The following TAP2 variants were observed in gnomAD, a reference collection of about 807,000 sequenced individuals.
The protein encoded by TAP2 is antigen peptide transporter 2.
A neutral mutation model predicts 74.7 loss-of-function variants in TAP2; 49 were observed. The observed-to-expected ratio is 0.66, with a 90% confidence interval of 0.52 to 0.83. The LOEUF is 0.83. TAP2 is among the 40% of genes least tolerant of loss of function. TAP2 has a pLI of 0.00. For missense variants in TAP2, 739 were observed against 859.0 expected, an observed-to-expected ratio of 0.86 and a Z score of 1.75; for synonymous variants, 306 against 368.4, an observed-to-expected ratio of 0.83 and a Z score of 1.94.
downstream of TAP2, among the ~76,000 whole-genome samples, chr6:32,824,688 A>C (rs1768522048): frequency 6.6e-6 from 1 of 152,088 alleles, no homozygotes; most frequent in Non-Finnish European, 1.5e-5. Context: ...GGAATTTTAA[A>C]TTCTAATTAT....
chr6:32,837,919 C>A lies in TAP2; in HGVS notation c.315G>T (p.Gly105=), dbSNP rs750160800. Residue 105 remains glycine, a synonymous_variant, in exon 2 of 12, where the codon GGG becomes GGT. Transcript: ENST00000374897. ...ACCAGCTGAGCCCCGCAGCCCCGTA[C>A]CCCACCAGCAGCCAGCTCCAAGGGG... ...ASAPWSWLLV[G]YGAAGLSWSL... is the part of the protein sequence containing the mutation. 1 of 1,613,010 alleles carries A rather than the reference C, an allele frequency of 6.2e-7. No homozygotes were observed. Among genetic ancestry groups the A allele is most frequent in the African/African-American group, 1.3e-5 (1 of 74,996 alleles).
chr6:32,829,168 G>A (rs1397348627), intron 11 of TAP2, 134 bp from the exon 12 acceptor site: 21 of 1,484,726 alleles, frequency 1.4e-5, no homozygotes. Context: ...GTAGATAAAG[G>A]CCTGGACTGC....
At chr6:32,837,704 T>C (rs780090318) in intron 2 of TAP2, 37 bp downstream of exon 2, 1 of 1,614,132 alleles carries the variant, frequency 6.2e-7, no homozygotes, top group Non-Finnish European at 8.5e-7. Context: ...CAGGCCCTTT[T>C]ACCACCTCCA....
At position 32,832,653 on chromosome 6, in the gene TAP2, G is replaced by A. The variant is rs754852132; in HGVS notation, c.1117C>T (p.Arg373Cys). The change falls in exon 6 of 12, where the codon CGC becomes TGC. Residue 373 changes from arginine to cysteine, a missense_variant. Coordinates refer to ENST00000374897, the MANE Select transcript of TAP2 (RefSeq NM_001290043.2). This position sits in a 1 kb window ranked among gnomAD's most constrained non-coding sequence, Gnocchi z 5.9. The stretch of plus-strand genomic sequence containing the variant: ...CTCCTTACGAGCAGGTACAAGGCGC[G>A]TTCCAGGTCTCTCCGCCAATACAGC... ...RQLYWRRDLERALYLLVRRVL... is the reference protein window; with the variant it reads ...RQLYWRRDLECALYLLVRRVL... The A allele has an allele frequency of 6.2e-6, 10 of 1,612,918 alleles. No homozygotes were observed. Among genetic ancestry groups the A allele is most frequent in the African/African-American group, 5.3e-5 (4 of 74,890 alleles).
chr6:32,830,461 T>C, intron 8 of TAP2, 21 bp from the exon 9 acceptor site: 1 of 1,606,086 alleles, frequency 6.2e-7, no homozygotes, highest in South Asian at 1.1e-5. Context: ...AGAAAAAGAG[T>C]TAAGGGCCTG....
chr6:32,837,978 C>A lies in TAP2; in HGVS notation c.256G>T (p.Ala86Ser). 6.2e-7 allele frequency: 1 copy of A among 1,612,610 alleles called. No individual in the cohort carries two copies. The highest frequency in any genetic ancestry group is 8.5e-7 in the Non-Finnish European group (1 of 1,179,852). Residue 86 changes from alanine to serine, a missense_variant, in exon 2 of 12, where the codon GCC becomes TCC. By Grantham distance (99) the Ala-to-Ser change is moderately conservative. Transcript: ENST00000374897. ...ACTCTGGCTGGGGGAGCACGTGAGG[C>A]CCCCGCGACCAGGGCTCTCAGGGAG... is the stretch of plus-strand genomic sequence containing the variant. ...TVSLRALVAG[A>S]SRAPPARVAS...
chr6:32,828,676 C>CG lies in TAP2; in HGVS notation c.*229_*230insC. On this transcript the variant is annotated 3_prime_UTR_variant, in exon 12 of 12. Transcript: ENST00000374897. ...AATTAAGTTTCCTGGACACAGACAG[C>CG]CCCCACCCCACCCCACCCCACCTCT... 2.2e-5 allele frequency: 18 copies of CG among 802,674 alleles called. No individual in the cohort carries two copies. The highest frequency in any genetic ancestry group is 5.4e-5 in the South Asian group (1 of 18,500). The allele number at this position is 802,674 out of a possible 1,614,324, so 49.7% of individuals were successfully genotyped here. A position where few individuals can be genotyped will look rare whatever the true frequency, so the allele number is the denominator to read the frequency against.
rs1278972112 is a variant in TAP2, at chr6:32,830,300, G to A, written c.1602C>T (p.Ile534=). The change falls in exon 9 of 12, where the codon ATC becomes ATT. Residue 534 remains isoleucine, a synonymous_variant. Coordinates refer to ENST00000374897, the MANE Select transcript of TAP2 (RefSeq NM_001290043.2). ...GCAGGTAGCAGTGTTCATACTGTGA[G>A]ATGGGCTTTTCATCCAGCAGCACCT... ...GGQVLLDEKP[I]SQYEHCYLHS... is the part of the protein sequence containing the mutation. 1.2e-6 allele frequency: 2 copies of A among 1,613,066 alleles called. No individual in the cohort carries two copies. Among genetic ancestry groups the A allele is most frequent in the South Asian group, 1.1e-5 (1 of 91,090 alleles).
intron 10 of TAP2, 89 bp from the exon 11 acceptor site, chr6:32,829,625 T>G: frequency 6.3e-7 from 1 of 1,588,642 alleles, no homozygotes; most frequent in South Asian, 1.1e-5. Flanking sequence ...GTACTTCCAG[T>G]AGGACCTCGG....
In TAP2 at chr6:32,825,774, G is replaced by A. The variant is rs1287441733; in HGVS notation, c.*3132C>T. 6.3e-6 allele frequency: 1 copy of A among 157,758 alleles called. No individual in the cohort carries two copies. Among genetic ancestry groups the A allele is most frequent in the Non-Finnish European group, 1.4e-5 (1 of 73,164 alleles). The allele number at this position is 157,758 out of a possible 1,614,324, so 9.8% of individuals were successfully genotyped here. A position where few individuals can be genotyped will look rare whatever the true frequency, so the allele number is the denominator to read the frequency against. ...AGGGAGTATAGGCAACTCTTTTGAG[G>A]AGTTTTATGCAAAGCTGGGCAAGTC... On this transcript the variant is annotated 3_prime_UTR_variant, in exon 12 of 12. Coordinates refer to ENST00000374897, the MANE Select transcript of TAP2 (RefSeq NM_001290043.2).
intron 11 of TAP2, 83 bp from the exon 12 acceptor site, chr6:32,829,117 G>A: frequency 6.6e-7 from 1 of 1,513,122 alleles, no homozygotes; most frequent in East Asian, 2.5e-5. Context: ...TTATGATTTA[G>A]GGTAAAGAAG....
intron 7 of TAP2, 134 bp from the exon 8 acceptor site, chr6:32,830,940 A>C: frequency 1.2e-6 from 1 of 859,824 alleles, no homozygotes; most frequent in Non-Finnish European, 1.9e-6. Flanking sequence ...CCACTTTTAA[A>C]TGTACAATTT....
chr6:32,830,004 T>C lies in TAP2; in HGVS notation c.1721A>G (p.Asp574Gly), dbSNP rs899328471. 1.2e-6 allele frequency: 2 copies of C among 1,613,128 alleles called. No homozygotes were observed. Among genetic ancestry groups the C allele is most frequent in the South Asian group, 1.1e-5 (1 of 91,090 alleles). ...AGCCTGGGCAGCCGCCATCACCTTA[T>C]CATCTTCGCAGCTCTGCAGCCCATA... Reference protein sequence around the residue: ...IAYGLQSCEDDKVMAAAQAAH... With the variant: ...IAYGLQSCEDGKVMAAAQAAH... The change falls in exon 10 of 12, where the codon GAT (aspartate) becomes GGT (glycine). Residue 574 changes from aspartate (D) to glycine (G), a missense_variant. Physicochemically the swap from Asp to Gly is moderately conservative, Grantham distance 94. Transcript: ENST00000374897.
Position 32,826,443 on chromosome 6 carries a change from G to A in TAP2, c.*2463C>T, listed in dbSNP as rs767894009. The A allele has an allele frequency of 2.5e-5, 25 of 983,378 alleles. No individual in the cohort carries two copies. Among genetic ancestry groups the A allele is most frequent in the Non-Finnish European group, 3.0e-5 (25 of 829,864 alleles). 60.9% of individuals were successfully genotyped at this position (983,378 alleles called of 1,614,324 possible). Reference sequence around the variant, plus strand: ...TACAGGGTAAGGAGATCAATCAAATGGTGATGGGGGGTAGGAGTGAACAAA... The same window carrying A: ...TACAGGGTAAGGAGATCAATCAAATAGTGATGGGGGGTAGGAGTGAACAAA... On this transcript the variant is annotated 3_prime_UTR_variant, in exon 12 of 12. Coordinates refer to ENST00000374897, the MANE Select transcript of TAP2 (RefSeq NM_001290043.2).
chr6:32,833,394 A>G (rs1374210745), intron 5 of TAP2, among the ~76,000 whole-genome samples: 1 of 152,244 alleles, frequency 6.6e-6, no homozygotes, highest in Non-Finnish European at 1.5e-5. Context: ...TTTGTGAATC[A>G]TATATCTGAT....
Position 32,828,681 on chromosome 6 carries a change from A to ACCCCACCCCCCC in TAP2, c.*224_*225insGGGGGGGTGGGG. 1.6e-6 allele frequency: 1 copy of ACCCCACCCCCCC among 606,174 alleles called. No homozygotes were observed. Among genetic ancestry groups the ACCCCACCCCCCC allele is most frequent in the Non-Finnish European group, 2.0e-6 (1 of 497,976 alleles). The allele number at this position is 606,174 out of a possible 1,614,324, so 37.5% of individuals were successfully genotyped here. ...AGTTTCCTGGACACAGACAGCCCCC[A>ACCCCACCCCCCC]CCCCACCCCACCCCACCTCTCTACC... On this transcript the variant is annotated 3_prime_UTR_variant, in exon 12 of 12. Transcript: ENST00000374897.
At chr6:32,822,917 C>CTTT (rs3041453), downstream of TAP2, among the ~76,000 whole-genome samples, 2,998 of 109,894 alleles carry the variant, frequency 0.027, 90 homozygotes, top group African/African-American at 0.036. Flanking sequence ...TGTGTTCATA[C>CTTT]TTTTTTTTTT....
chr6:32,830,519 G>C (rs955809949), intron 8 of TAP2, 79 bp from the exon 9 acceptor site: 50 of 1,594,748 alleles, frequency 3.1e-5, no homozygotes, highest in Non-Finnish European at 9.4e-6. Context: ...GCAGAGGCAA[G>C]ACCAGGTTCT....
chr6:32,828,676 C>CCGG lies in TAP2; in HGVS notation c.*229_*230insCCG. On this transcript the variant is annotated 3_prime_UTR_variant, in exon 12 of 12. Transcript: ENST00000374897. ...AATTAAGTTTCCTGGACACAGACAG[C>CCGG]CCCCACCCCACCCCACCCCACCTCT... 32 of 802,620 alleles carry CCGG rather than the reference C, an allele frequency of 4.0e-5. No homozygotes were observed. Among genetic ancestry groups the CCGG allele is most frequent in the African/African-American group, 6.8e-5 (3 of 43,980 alleles). 49.7% of individuals were successfully genotyped at this position (802,620 alleles called of 1,614,324 possible). A position where few individuals can be genotyped will look rare whatever the true frequency, so the allele number is the denominator to read the frequency against.
Sources: gnomAD v4.1 joint callset for allele counts (sites outside exome capture counted in the v4.1 genomes callset) on GRCh38, gnomAD v4.1.1 for gene constraint, Gnocchi (gnomAD v3.1) non-coding constraint, MANE v1.5 for transcripts, NCBI Gene and HGNC (gene_info 2026-07-23, HGNC 2026-07-21) for gene names.